The following CDC27 variants were observed in gnomAD, a reference collection of about 807,000 sequenced individuals.
CDC27 encodes cell division cycle protein 27 homolog.
In CDC27, 27 loss-of-function variants were observed where a neutral mutation model predicts 109.7. The ratio of observed to expected loss-of-function variants is 0.25; its 90% CI spans 0.18 to 0.34. The LOEUF is 0.34. Ranked by LOEUF, CDC27 falls within the 10% of genes least tolerant of loss-of-function variation. CDC27 has a pLI of 1.00. For missense variants in CDC27, 579 were observed against 960.2 expected, an observed-to-expected ratio of 0.60 and a Z score of 5.25; for synonymous variants, 266 against 333.9, an observed-to-expected ratio of 0.80 and a Z score of 2.22.
At chr17:47,154,088 C>CAA (rs536543231) in intron 8 of CDC27, among the ~76,000 whole-genome samples, 2,188 of 70,592 alleles carry the variant, frequency 0.031, 29 homozygotes, top group Middle Eastern at 0.13. Context: ...GACCCTGTCT[C>CAA]AAAAAAAAAA....
chr17:47,176,370 A>T (rs2064006242), intron 2 of CDC27, among the ~76,000 whole-genome samples: 1 of 152,122 alleles, frequency 6.6e-6, no homozygotes, highest in Non-Finnish European at 1.5e-5. Context: ...TACTATTCTC[A>T]ATGTTTATCT....
Position 47,167,752 on chromosome 17 carries a change from G to A in CDC27, c.377+2165C>T, listed in dbSNP as rs573557943. Among the ~76,000 whole-genome samples, 17 of 152,264 alleles carry A rather than the reference G, an allele frequency of 1.1e-4. 1 individual carries two copies. The East Asian group carries it at 2.9e-3, about 26-fold the overall frequency. On this transcript the variant is annotated intron_variant, in intron 4 of 18. Transcript: ENST00000066544. Reference sequence around the variant, plus strand: ...ACACACCAAGCATCAAACGCCAGCTGAATGTCCGCTAATTCAATTCTGATA... The same window carrying A: ...ACACACCAAGCATCAAACGCCAGCTAAATGTCCGCTAATTCAATTCTGATA...
chr17:47,137,417 CA>C, intron 13 of CDC27, 57 bp from the exon 14 acceptor site: 1 of 1,029,206 alleles, frequency 9.7e-7, no homozygotes, highest in Non-Finnish European at 1.3e-6. Flanking sequence ...TTTCTAAAAC[CA>C]AATCTATGAC....
chr17:47,146,170 G>C (rs940159666), intron 9 of CDC27, among the ~76,000 whole-genome samples: 1 of 152,166 alleles, frequency 6.6e-6, no homozygotes, highest in Non-Finnish European at 1.5e-5. Flanking sequence ...TAATCCTATG[G>C]ATCTCCTAAT....
chr17:47,145,454 C>T (rs8071382), intron 9 of CDC27, among the ~76,000 whole-genome samples: 53,823 of 151,942 alleles, frequency 0.35, 10,079 homozygotes, highest in Admixed American at 0.43. Context: ...GTCTGGTCCA[C>T]GTCCCAGGCT....
chr17:47,165,778 T>C (rs936948512), intron 4 of CDC27, among the ~76,000 whole-genome samples: 1 of 152,226 alleles, frequency 6.6e-6, no homozygotes, highest in African/African-American at 2.4e-5. Context: ...TTAATAGTTT[T>C]ATGTTTTACA....
intron 9 of CDC27, among the ~76,000 whole-genome samples, chr17:47,146,370 G>T (rs1441483388): frequency 6.6e-6 from 1 of 152,200 alleles, no homozygotes; most frequent in African/African-American, 2.4e-5. Flanking sequence ...TCTTGTTGGG[G>T]ACTGTGATCT....
chr17:47,167,760 G>C (rs538741442), intron 4 of CDC27, among the ~76,000 whole-genome samples: 1 of 152,118 alleles, frequency 6.6e-6, no homozygotes, highest in Admixed American at 6.5e-5. Flanking sequence ...CTGAATGTCC[G>C]CTAATTCAAT....
At chr17:47,153,081 A>G (rs1004197142) in intron 8 of CDC27, among the ~76,000 whole-genome samples, 2 of 152,238 alleles carry the variant, frequency 1.3e-5, no homozygotes, top group African/African-American at 4.8e-5. Context: ...AATTGGGATC[A>G]CTACATTCAT....
At chr17:47,183,035 A>C (rs1467022801) in intron 1 of CDC27, among the ~76,000 whole-genome samples, 4 of 152,146 alleles carry the variant, frequency 2.6e-5, no homozygotes, top group Non-Finnish European at 4.4e-5. Flanking sequence ...CACAAAAAAG[A>C]ATCTCTCCAA....
chr17:47,173,738 G>C (rs1465392592), intron 2 of CDC27, among the ~76,000 whole-genome samples: 1 of 152,182 alleles, frequency 6.6e-6, no homozygotes, highest in Admixed American at 6.5e-5. Flanking sequence ...TTGAAGCATA[G>C]TAACTTAAAA....
intron 16 of CDC27, among the ~76,000 whole-genome samples, chr17:47,128,188 G>T (rs555464689): frequency 6.6e-6 from 1 of 151,630 alleles, no homozygotes; most frequent in Admixed American, 6.6e-5. Flanking sequence ...ACACCACCAT[G>T]CCTGGCTAAT....
chr17:47,187,443 G>A (rs1360474537), intron 1 of CDC27, among the ~76,000 whole-genome samples: 1 of 152,012 alleles, frequency 6.6e-6, no homozygotes, highest in African/African-American at 2.4e-5. Context: ...TGGGATTACA[G>A]GCGCCCACCA....
At chr17:47,159,471 C>T in intron 4 of CDC27, 1 of 600,004 alleles carries the variant, frequency 1.7e-6, no homozygotes, top group Non-Finnish European at 2.8e-6. Context: ...GATGCCCGTG[C>T]TCCTGGGGGT....
chr17:47,134,918 C>A (rs1358011387), intron 14 of CDC27, among the ~76,000 whole-genome samples: 1 of 151,202 alleles, frequency 6.6e-6, no homozygotes, highest in Non-Finnish European at 1.5e-5. Context: ...AGCCACCATA[C>A]CTGTCATATT....
chr17:47,151,915 C>T lies in CDC27; in HGVS notation c.961G>A (p.Val321Ile). The change falls in exon 9 of 19, where the codon GTT becomes ATT. Residue 321 changes from valine to isoleucine, a missense_variant. Val to Ile is a conservative substitution (Grantham distance 29, BLOSUM62 3). Around this residue, in one of 9 missense-constraint regions of CDC27, gnomAD observed 74 missense variants for 148.9 expected, o/e 0.50. Transcript: ENST00000066544. ...GTTCCAGTTTGGCCGATTCTGGCAA[C>T]AGACTGTAAAACACGAAAAGTCTAA... is the stretch of plus-strand genomic sequence containing the variant. ...PSTGAPSKKS[V>I]ARIGQTGTKS... 1.2e-6 allele frequency: 2 copies of T among 1,605,510 alleles called. No individual in the cohort carries two copies. Among genetic ancestry groups the T allele is most frequent in the South Asian group, 1.1e-5 (1 of 88,488 alleles).
chr17:47,189,167 C>T lies in CDC27; in HGVS notation c.6G>A (p.Thr2=). M[T]VLQEPVQAAI... ...TTACCTGGACGGGTTCCTGCAGCACCGTCATCCTCGAGGCTCAGGCCCACT... is the reference window on the plus strand; with the variant it reads ...TTACCTGGACGGGTTCCTGCAGCACTGTCATCCTCGAGGCTCAGGCCCACT... Residue 2 remains threonine (T), a synonymous_variant, in exon 1 of 19, where the codon ACG becomes ACA. Coordinates refer to ENST00000066544, the MANE Select transcript of CDC27 (RefSeq NM_001256.6). The T allele has an allele frequency of 6.2e-7, 1 of 1,612,906 alleles. No individual in the cohort carries two copies. Among genetic ancestry groups the T allele is most frequent in the Non-Finnish European group, 8.5e-7 (1 of 1,178,896 alleles).
At chr17:47,169,250 C>T (rs1048390746) in intron 4 of CDC27, among the ~76,000 whole-genome samples, 1 of 151,962 alleles carries the variant, frequency 6.6e-6, no homozygotes, top group African/African-American at 2.4e-5. Flanking sequence ...CTCCACCTCC[C>T]GAAGTGTTGA....
chr17:47,170,497 T>A (rs2063782364), intron 3 of CDC27: 1 of 152,180 alleles, frequency 6.6e-6, no homozygotes, highest in Non-Finnish European at 1.5e-5. Flanking sequence ...TTGTTTTTTG[T>A]AAAAAAAATT....
Sources: allele counts gnomAD v4.1 joint callset (sites outside exome capture counted in the v4.1 genomes callset), GRCh38; gene constraint gnomAD v4.1.1; regional missense constraint gnomAD v4.1.1; transcripts MANE v1.5; gene names NCBI Gene and HGNC (gene_info 2026-07-23, HGNC 2026-07-21).